The following ITGB6 variants were observed in gnomAD, a reference collection of about 807,000 sequenced individuals.
ITGB6 encodes the protein integrin subunit beta 6, also known as integrin beta-6.
In ITGB6, 80 loss-of-function variants were observed where a neutral mutation model predicts 84.5. The ratio of observed to expected loss-of-function variants is 0.95; its 90% confidence interval spans 0.79 to 1.14. The LOEUF (loss-of-function observed/expected upper bound fraction) is 1.14. ITGB6 is among the 50% of genes most tolerant of loss of function. The pLI is 0.00. For missense variants in ITGB6, 1,006 were observed against 968.0 expected, an observed-to-expected ratio of 1.04 and a Z score of -0.52; for synonymous variants, 383 against 354.9, an observed-to-expected ratio of 1.08 and a Z score of -0.89.
At chr2:160,142,316 T>C (rs776115218) in intron 7 of ITGB6, among the ~76,000 whole-genome samples, 6 of 152,176 alleles carry the variant, frequency 3.9e-5, no homozygotes, top group Non-Finnish European at 5.9e-5. Context: ...TGCCATGGTC[T>C]AAGGCTGTGA....
In ITGB6 at chr2:160,100,731, A is replaced by G. The variant is rs773492306; in HGVS notation, c.*1005T>C. On this transcript the variant is annotated 3_prime_UTR_variant, in exon 15 of 15. Transcript: ENST00000283249. ...AGCTGAAATGTGCAAGTTGGGTTAC[A>G]TAGATGGGAAAAGAGTATGTATTAA... 2 of 152,240 alleles carry G rather than the reference A, an allele frequency of 1.3e-5. No homozygotes were observed. The highest frequency in any genetic ancestry group is 2.4e-5 in the African/African-American group (1 of 41,478). 9.4% of individuals were successfully genotyped at this position (152,240 alleles called of 1,614,324 possible). A position where few individuals can be genotyped will look rare whatever the true frequency, so the allele number is the denominator to read the frequency against.
intron 7 of ITGB6, among the ~76,000 whole-genome samples, chr2:160,148,926 A>T (rs570222375): frequency 2.0e-5 from 3 of 152,376 alleles, no homozygotes; most frequent in Non-Finnish European, 4.4e-5. Flanking sequence ...AGGCTTTAGT[A>T]GGTAAACAAA....
chr2:160,198,091 T>C (rs906293821), intron 2 of ITGB6, among the ~76,000 whole-genome samples: 12 of 152,236 alleles, frequency 7.9e-5, no homozygotes, highest in African/African-American at 2.9e-4. Flanking sequence ...TTTGTTGTTG[T>C]ATCTCTCTGG....
intron 12 of ITGB6, among the ~76,000 whole-genome samples, chr2:160,121,513 T>C (rs1028229981): frequency 6.6e-6 from 1 of 152,180 alleles, no homozygotes; most frequent in African/African-American, 2.4e-5. Flanking sequence ...AGCTGGGCAC[T>C]GTGGTGCATG....
intron 12 of ITGB6, among the ~76,000 whole-genome samples, chr2:160,112,761 T>C (rs1682587816): frequency 6.6e-6 from 1 of 151,918 alleles, no homozygotes; most frequent in Admixed American, 6.6e-5. Flanking sequence ...ACAGTGACAG[T>C]TTGTCTATCA....
intron 4 of ITGB6, among the ~76,000 whole-genome samples, chr2:160,189,129 C>A (rs567097506): frequency 4.8e-4 from 73 of 152,156 alleles, no homozygotes; most frequent in Non-Finnish European, 8.8e-5. Context: ...ATAAATGGTG[C>A]TGGGAAAACT....
intron 13 of ITGB6, among the ~76,000 whole-genome samples, chr2:160,111,599 G>GTTTT (rs35948673): frequency 0.2 from 27,166 of 134,216 alleles, 3,501 homozygotes; most frequent in Admixed American, 0.3. Context: ...CATCTTAGCT[G>GTTTT]TTTTTTTTTT....
At chr2:160,122,411 C>T (rs750929297) in intron 12 of ITGB6, among the ~76,000 whole-genome samples, 4 of 152,054 alleles carry the variant, frequency 2.6e-5, no homozygotes, top group Non-Finnish European at 5.9e-5. Flanking sequence ...ATTAGATTTC[C>T]CATGTTGCTA....
chr2:160,143,778 A>G (rs1684088881), intron 7 of ITGB6, among the ~76,000 whole-genome samples: 1 of 152,202 alleles, frequency 6.6e-6, no homozygotes, highest in Non-Finnish European at 1.5e-5. Flanking sequence ...TATAATAGTG[A>G]TACTAAGAAA....
At chr2:160,144,935 T>C (rs996606480) in intron 7 of ITGB6, among the ~76,000 whole-genome samples, 1 of 152,190 alleles carries the variant, frequency 6.6e-6, no homozygotes, top group Admixed American at 6.5e-5. Context: ...TTAATTAATT[T>C]CTGGATGCTG....
At chr2:160,147,550 G>A (rs993983487) in intron 7 of ITGB6, among the ~76,000 whole-genome samples, 1 of 152,194 alleles carries the variant, frequency 6.6e-6, no homozygotes, top group Non-Finnish European at 1.5e-5. Context: ...GAACAAAGTT[G>A]GAGGATTGAC....
chr2:160,102,671 C>A (rs185136115), intron 14 of ITGB6, among the ~76,000 whole-genome samples: 2 of 152,270 alleles, frequency 1.3e-5, no homozygotes, highest in Admixed American at 6.5e-5. Flanking sequence ...GGTGCTGTAG[C>A]CAAAAGGACC....
chr2:160,157,673 G>A (rs1457240), intron 7 of ITGB6, among the ~76,000 whole-genome samples: 29,496 of 147,080 alleles, frequency 0.2, 3,808 homozygotes, highest in Middle Eastern at 0.41. Flanking sequence ...GAGAAAAAGC[G>A]TTGTGGCTGT....
chr2:160,179,319 T>C (rs1685565334), intron 4 of ITGB6, among the ~76,000 whole-genome samples: 1 of 151,962 alleles, frequency 6.6e-6, no homozygotes. Flanking sequence ...ATATACCATA[T>C]ACTCATATAT....
At chr2:160,191,001 T>A (rs576707174) in intron 4 of ITGB6, among the ~76,000 whole-genome samples, 1 of 152,296 alleles carries the variant, frequency 6.6e-6, no homozygotes, top group African/African-American at 2.4e-5. Flanking sequence ...AAGCTTATTG[T>A]AGGGGAAACA....
chr2:160,125,144 T>TC (rs11413500), intron 11 of ITGB6, among the ~76,000 whole-genome samples: 101,573 of 151,950 alleles, frequency 0.67, 34,324 homozygotes, highest in Admixed American at 0.74. Context: ...CCCACTAGAC[T>TC]CCAGCACCTG....
intron 4 of ITGB6, among the ~76,000 whole-genome samples, chr2:160,182,392 C>G (rs1411006135): frequency 2.6e-5 from 4 of 152,068 alleles, no homozygotes; most frequent in Non-Finnish European, 5.9e-5. Flanking sequence ...GAAAGGATAT[C>G]AGAGATTGAA....
chr2:160,179,326 A>T (rs1685565888), intron 4 of ITGB6, among the ~76,000 whole-genome samples: 1 of 150,862 alleles, frequency 6.6e-6, no homozygotes, highest in Non-Finnish European at 1.5e-5. Context: ...ATATACTCAT[A>T]TATGTTTATG....
intron 7 of ITGB6, among the ~76,000 whole-genome samples, chr2:160,166,494 A>G (rs1685004951): frequency 6.6e-6 from 1 of 152,232 alleles, no homozygotes; most frequent in African/African-American, 2.4e-5. Context: ...ATAGCTTACT[A>G]GGAAAGAGAA....
Sources: gnomAD v4.1 joint callset for allele counts (sites outside exome capture counted in the v4.1 genomes callset) on GRCh38, gnomAD v4.1.1 for gene constraint, MANE v1.5 for transcripts, NCBI Gene and HGNC (gene_info 2026-07-23, HGNC 2026-07-21) for gene names.